Variants in JMY observed in about 807,000 individuals in gnomAD.
The protein encoded by JMY is junction mediating and regulatory protein, p53 cofactor, also known as junction-mediating and -regulatory protein.
In JMY, 46 loss-of-function variants were observed where a neutral mutation model predicts 103.3. The ratio of observed to expected loss-of-function variants is 0.45; its 90% CI spans 0.35 to 0.57. The LOEUF (loss-of-function observed/expected upper bound fraction) is 0.57. Among genes scored for constraint, JMY ranks in the 20% least tolerant of loss-of-function variants. The pLI is 0.00. For missense variants in JMY, 1,238 were observed against 1,255.2 expected, an observed-to-expected ratio of 0.99 and a Z score of 0.21; for synonymous variants, 526 against 489.3, an observed-to-expected ratio of 1.07 and a Z score of -0.99.
At chr5:79,297,060 CT>C (rs1746584073) in intron 4 of JMY, among the ~76,000 whole-genome samples, 1 of 152,038 alleles carries the variant, frequency 6.6e-6, no homozygotes, top group Non-Finnish European at 1.5e-5. Flanking sequence ...ATTTTTCCGT[CT>C]TTTTGGGCTG....
At chr5:79,245,501 G>A (rs1203868647) in intron 1 of JMY, among the ~76,000 whole-genome samples, 1 of 152,078 alleles carries the variant, frequency 6.6e-6, no homozygotes, top group African/African-American at 2.4e-5. Flanking sequence ...TTTGACCTTA[G>A]GCTGTTGACT....
Position 79,236,371 on chromosome 5 carries a change from G to C in JMY, c.-280G>C, listed in dbSNP as rs1205708760. The C allele has an allele frequency of 1.1e-4, 31 of 271,258 alleles. No individual in the cohort carries two copies. The highest frequency in any genetic ancestry group is 1.0e-3 in the Middle Eastern group (1 of 956). 16.8% of individuals were successfully genotyped at this position (271,258 alleles called of 1,614,324 possible). A position where few individuals can be genotyped will look rare whatever the true frequency, so the allele number is the denominator to read the frequency against. ...GGGGGGCGGCGGGCGGCCGCGAGGC[G>C]CTGCGGCAGCGCGGAGCTTGTAAAC... On this transcript the variant is annotated 5_prime_UTR_variant, in exon 1 of 11. Coordinates refer to ENST00000396137, the MANE Select transcript of JMY (RefSeq NM_152405.5).
Position 79,314,109 on chromosome 5 carries a change from T to C in JMY, c.2065-148T>C. On this transcript the variant is annotated intron_variant, in intron 8 of 10. Transcript: ENST00000396137. The stretch of plus-strand genomic sequence containing the variant: ...CCTGATCTCAGGTGATCCACCCGCC[T>C]CGGCCTCCCAAAGTGCTGGGATTAC... 5 of 1,293,132 alleles carry C rather than the reference T, an allele frequency of 3.9e-6. No homozygotes were observed. In the South Asian group the frequency reaches 8.0e-5, roughly 21 times the overall value. The allele number at this position is 1,293,132 out of a possible 1,614,324, so 80.1% of individuals were successfully genotyped here. A position where few individuals can be genotyped will look rare whatever the true frequency, so the allele number is the denominator to read the frequency against.
chr5:79,254,298 T>A (rs937498354), intron 1 of JMY, among the ~76,000 whole-genome samples: 5 of 152,094 alleles, frequency 3.3e-5, no homozygotes, highest in African/African-American at 9.7e-5. Context: ...GTCCTTTTCT[T>A]TCTGATTGAA....
chr5:79,279,264 G>A (rs1478903205), intron 2 of JMY, among the ~76,000 whole-genome samples: 2 of 152,148 alleles, frequency 1.3e-5, no homozygotes, highest in Non-Finnish European at 2.9e-5. Flanking sequence ...AACCTGGGAG[G>A]TGGAGGTTGC....
intron 1 of JMY, among the ~76,000 whole-genome samples, chr5:79,265,780 C>CTTT (rs34354467): frequency 0.016 from 1,849 of 116,166 alleles, 59 homozygotes; most frequent in African/African-American, 0.055. Context: ...TGTGATGATT[C>CTTT]TTTTTTTTTT....
intron 4 of JMY, among the ~76,000 whole-genome samples, chr5:79,298,294 T>G (rs1168738261): frequency 6.6e-6 from 1 of 152,294 alleles, no homozygotes; most frequent in East Asian, 1.9e-4. Context: ...CACTTGAGAA[T>G]AAAGCCTTCT....
Position 79,288,369 on chromosome 5 carries a change from C to A in JMY, c.1207-1752C>A, listed in dbSNP as rs555074902. ...AGTGGTTTTTCTCTCTTTATGTACC[C>A]GTCAAAATCCTACCCCTTCTTCAAA... is the stretch of plus-strand genomic sequence containing the variant. On this transcript the variant is annotated intron_variant, in intron 2 of 10. Coordinates refer to ENST00000396137, the MANE Select transcript of JMY (RefSeq NM_152405.5). Among the ~76,000 whole-genome samples, 18 of 152,208 alleles carry A rather than the reference C, an allele frequency of 1.2e-4. No homozygotes were observed. The South Asian group carries it at 2.9e-3, about 25-fold the overall frequency.
At chr5:79,318,170 TTTTC>T (rs1475906962) in intron 10 of JMY, among the ~76,000 whole-genome samples, 2 of 99,170 alleles carry the variant, frequency 2.0e-5, no homozygotes, top group Non-Finnish European at 4.8e-5. Flanking sequence ...CCCGGCTCTT[TTTTC>T]TTTTTTTTTT....
chr5:79,309,071 A>AT (rs1351170359), intron 7 of JMY, among the ~76,000 whole-genome samples: 53 of 151,880 alleles, frequency 3.5e-4, no homozygotes, highest in Admixed American at 2.0e-4. Context: ...TATAATCTAG[A>AT]TTTTTTTTGT....
intron 4 of JMY, among the ~76,000 whole-genome samples, chr5:79,293,497 A>AC (rs1746481751): frequency 6.6e-6 from 1 of 151,014 alleles, no homozygotes; most frequent in Non-Finnish European, 1.5e-5. Context: ...GCCTCAAGAG[A>AC]CCCCTCATGT....
chr5:79,320,132 G>A (rs1251734448), intron 10 of JMY, among the ~76,000 whole-genome samples: 1 of 152,036 alleles, frequency 6.6e-6, no homozygotes, highest in African/African-American at 2.4e-5. Flanking sequence ...TAATTCTGCA[G>A]TACTTCAGGA....
intron 1 of JMY, among the ~76,000 whole-genome samples, chr5:79,262,025 C>A (rs1054899617): frequency 6.6e-6 from 1 of 152,230 alleles, no homozygotes; most frequent in African/African-American, 2.4e-5. Context: ...CAAAGCTTTA[C>A]TTTCCAGGCC....
In JMY at chr5:79,326,213, A is replaced by G. The variant is rs1303401813; in HGVS notation, c.*4611A>G. On this transcript the variant is annotated 3_prime_UTR_variant, in exon 11 of 11. Transcript: ENST00000396137. ...CTGGTGTTTTTTGTTGTTTTTAATT[A>G]GGCACACTAAGAGTGGCTAAATTTG... is the stretch of plus-strand genomic sequence containing the variant. 6.6e-6 allele frequency: 1 copy of G among 152,164 alleles called. No homozygotes were observed. The highest frequency in any genetic ancestry group is 2.4e-5 in the African/African-American group (1 of 41,458). The allele number at this position is 152,164 out of a possible 1,614,324, so 9.4% of individuals were successfully genotyped here.
chr5:79,245,152 C>T (rs966792906), intron 1 of JMY, among the ~76,000 whole-genome samples: 2 of 152,058 alleles, frequency 1.3e-5, no homozygotes, highest in African/African-American at 4.8e-5. Context: ...AGACATTTCA[C>T]AGAGGAGGAT....
chr5:79,270,752 A>G (rs1745760060), intron 1 of JMY, among the ~76,000 whole-genome samples: 1 of 148,498 alleles, frequency 6.7e-6, no homozygotes, highest in East Asian at 1.9e-4. Context: ...CTTTCTCACC[A>G]TTAAATATGT....
At chr5:79,309,566 A>C (rs1451166548) in intron 7 of JMY, among the ~76,000 whole-genome samples, 2 of 152,154 alleles carry the variant, frequency 1.3e-5, no homozygotes, top group African/African-American at 4.8e-5. Context: ...CTGTATTTGG[A>C]TATTTCTAAA....
At chr5:79,295,674 G>T (rs890388958) in intron 4 of JMY, among the ~76,000 whole-genome samples, 1 of 152,224 alleles carries the variant, frequency 6.6e-6, no homozygotes, top group Non-Finnish European at 1.5e-5. Context: ...GTGACATTTT[G>T]TATGGGCCTT....
rs558182181 is a variant in JMY at position 79,282,343 on chromosome 5, T to A, written c.1206+4260T>A. On this transcript the variant is annotated intron_variant, in intron 2 of 10. Coordinates refer to ENST00000396137, the MANE Select transcript of JMY (RefSeq NM_152405.5). ...GCACCACAGACAACTTTGGAGTGAT[T>A]CTTTAAATCTAGATTTTAGTGATAA... is the stretch of plus-strand genomic sequence containing the variant. 7.2e-5 allele frequency among the ~76,000 whole-genome samples: 11 copies of A among 152,326 alleles called. No homozygotes were observed. The East Asian group carries it at 7.7e-4, about 11-fold the overall frequency.
Sources: allele counts gnomAD v4.1 joint callset (sites outside exome capture counted in the v4.1 genomes callset), GRCh38; gene constraint gnomAD v4.1.1; transcripts MANE v1.5; gene names NCBI Gene and HGNC (gene_info 2026-07-23, HGNC 2026-07-21).